The following UNC80 variants were observed in gnomAD, a reference collection of about 807,000 sequenced individuals.
UNC80 encodes protein unc-80 homolog.
A neutral mutation model predicts 384.6 loss-of-function variants in UNC80; 164 were observed. The observed-to-expected ratio is 0.43, with a 90% CI of 0.38 to 0.49. The LOEUF (loss-of-function observed/expected upper bound fraction) is 0.49. UNC80 is among the 20% of genes least tolerant of loss of function. The pLI is 0.00. For missense variants in UNC80, 3,330 were observed against 4,143.0 expected (o/e 0.80, Z 5.39); for synonymous variants, 1,486 against 1,527.8 (o/e 0.97, Z 0.64).
intron 31 of UNC80, among the ~76,000 whole-genome samples, 165 bp from the exon 32 acceptor site, chr2:209,917,612 T>C (rs569615706): frequency 6.6e-6 from 1 of 152,310 alleles, no homozygotes; most frequent in South Asian, 2.1e-4. Context: ...TATTGGAAGG[T>C]TGTGGGTGGT....
At chr2:209,816,852 G>T (rs2079777625) in intron 9 of UNC80, 57 bp from the exon 10 acceptor site, 10 of 1,497,112 alleles carry the variant, frequency 6.7e-6, no homozygotes, top group Non-Finnish European at 9.1e-6. Flanking sequence ...CCCTTGGGAA[G>T]CAGATTGTAA....
At chr2:209,850,976 G>A (rs1006712914) in intron 22 of UNC80, among the ~76,000 whole-genome samples, 6 of 151,882 alleles carry the variant, frequency 4.0e-5, no homozygotes, top group African/African-American at 1.2e-4. Flanking sequence ...TGTTCCCAAA[G>A]GAGCAGATTA....
chr2:209,814,632 C>T (rs766397265), intron 8 of UNC80, among the ~76,000 whole-genome samples: 16 of 152,130 alleles, frequency 1.1e-4, no homozygotes, highest in Non-Finnish European at 2.1e-4. Context: ...GAGAAGTAAA[C>T]TGAATGTGTA....
At chr2:209,969,697 T>G in intron 52 of UNC80, 71 bp from the exon 53 acceptor site, 1 of 1,531,076 alleles carries the variant, frequency 6.5e-7, no homozygotes, top group Non-Finnish European at 8.8e-7. Context: ...TCAGAATCAC[T>G]GTCTCATTCA....
chr2:209,855,082 T>C (rs935951709), intron 22 of UNC80, among the ~76,000 whole-genome samples: 48 of 152,216 alleles, frequency 3.2e-4, no homozygotes, highest in African/African-American at 1.1e-3. Flanking sequence ...AAAGAAAATG[T>C]GGTACACATA....
intron 6 of UNC80, among the ~76,000 whole-genome samples, chr2:209,790,638 A>T (rs1241510580): frequency 1.3e-5 from 2 of 152,178 alleles, no homozygotes; most frequent in Non-Finnish European, 2.9e-5. Context: ...CATATGTCAG[A>T]GGGAATAGTG....
chr2:209,879,875 AC>A (rs1559252438), intron 24 of UNC80, among the ~76,000 whole-genome samples: 2 of 151,300 alleles, frequency 1.3e-5, no homozygotes, highest in African/African-American at 2.4e-5. Flanking sequence ...CCTGAAAAAA[AC>A]GATAGCTTAA....
chr2:209,903,485 A>AAT (rs762676514), intron 28 of UNC80, among the ~76,000 whole-genome samples: 979 of 64,206 alleles, frequency 0.015, 117 homozygotes, highest in South Asian at 0.056. Flanking sequence ...GTATATATGT[A>AAT]ATATATATAT....
intron 48 of UNC80, among the ~76,000 whole-genome samples, chr2:209,954,670 A>T (rs182449793): frequency 3.1e-4 from 47 of 152,324 alleles, no homozygotes; most frequent in African/African-American, 1.1e-3. Flanking sequence ...AATGCCTACA[A>T]TTCCAACTAA....
At chr2:209,991,710 TTC>T (rs1298806992) in intron 61 of UNC80, among the ~76,000 whole-genome samples, 2 of 152,226 alleles carry the variant, frequency 1.3e-5, no homozygotes, top group African/African-American at 4.8e-5. Context: ...CCCAAATAAA[TTC>T]TGTGTCTGAT....
chr2:209,844,697 G>A (rs981963011), intron 21 of UNC80, among the ~76,000 whole-genome samples: 2 of 151,212 alleles, frequency 1.3e-5, no homozygotes, highest in South Asian at 2.1e-4. Context: ...TCAAATGATC[G>A]TCCTGCCTCA....
At chr2:209,970,056 G>T in intron 53 of UNC80, 165 bp downstream of exon 53, 1 of 894,708 alleles carries the variant, frequency 1.1e-6, no homozygotes, top group Non-Finnish European at 1.6e-6. Context: ...TCAAGGTGGT[G>T]TGTGGGGAGA....
chr2:209,789,618 T>C lies in UNC80; in HGVS notation c.798+13T>C. 6.3e-7 allele frequency: 1 copy of C among 1,594,896 alleles called. No homozygotes were observed. Among genetic ancestry groups the C allele is most frequent in the Non-Finnish European group, 8.6e-7 (1 of 1,163,130 alleles). On this transcript the variant is annotated intron_variant, in intron 6 of 64. Coordinates refer to ENST00000673920, the MANE Select transcript of UNC80 (RefSeq NM_001371986.1). ...AAGACACTTAGAGGTTAGTTTATTA[T>C]AATCATAAGAAGAAGGGAGGCAGAA...
Position 209,872,918 on chromosome 2 carries a change from G to A in UNC80, c.3788G>A (p.Arg1263Gln), listed in dbSNP as rs377619222. ...RGRSPIVGNK[R>Q]NQKLQWNAAK... ...CGCTCTCCCATTGTGGGCAACAAGC[G>A]AAACCAGAAGCTGCAGTGGAATGCA... The change falls in exon 23 of 65, where the codon CGA becomes CAA. Residue 1263 changes from arginine (R) to glutamine (Q), a missense_variant. Transcript: ENST00000673920. This position sits in a 1 kb window ranked among gnomAD's most constrained non-coding sequence, Gnocchi z 4.1. 6 of 1,551,636 alleles carry A rather than the reference G, an allele frequency of 3.9e-6. No homozygotes were observed. Among genetic ancestry groups the A allele is most frequent in the African/African-American group, 2.7e-5 (2 of 73,174 alleles).
At chr2:209,911,087 T>C (rs907925137) in intron 29 of UNC80, among the ~76,000 whole-genome samples, 1 of 152,112 alleles carries the variant, frequency 6.6e-6, no homozygotes, top group Non-Finnish European at 1.5e-5. Context: ...TTGGGAAACT[T>C]ACAATCATGG....
At chr2:209,834,850 A>G in intron 17 of UNC80, 62 bp from the exon 18 acceptor site, 3 of 1,336,032 alleles carry the variant, frequency 2.2e-6, no homozygotes, top group Non-Finnish European at 3.1e-6. Flanking sequence ...TATGAAGTGT[A>G]TGAAGTATTA....
intron 27 of UNC80, among the ~76,000 whole-genome samples, chr2:209,895,796 A>C (rs1318178990): frequency 6.6e-6 from 1 of 152,216 alleles, no homozygotes; most frequent in Non-Finnish European, 1.5e-5. Flanking sequence ...CCACAGTTGG[A>C]CATAATTGCT....
At chr2:209,879,352 T>C (rs898282517) in intron 24 of UNC80, among the ~76,000 whole-genome samples, 2 of 152,180 alleles carry the variant, frequency 1.3e-5, no homozygotes, top group Non-Finnish European at 1.5e-5. Context: ...GCGTGCATCC[T>C]CCTAGGCCAA....
intron 49 of UNC80, 101 bp downstream of exon 49, chr2:209,957,837 GT>G: frequency 9.6e-7 from 1 of 1,041,950 alleles, no homozygotes; most frequent in African/African-American, 1.6e-5. Context: ...TCAATATTGA[GT>G]GTGAAAACCT....
Sources: gnomAD v4.1 joint callset for allele counts (sites outside exome capture counted in the v4.1 genomes callset) on GRCh38, gnomAD v4.1.1 for gene constraint, Gnocchi (gnomAD v3.1) non-coding constraint, MANE v1.5 for transcripts, NCBI Gene and HGNC (gene_info 2026-07-23, HGNC 2026-07-21) for gene names.